TREML2: variants seen among roughly 807,000 people sequenced by gnomAD.
TREML2 encodes the protein trem-like transcript 2 protein.
Under a neutral mutation model 25.9 loss-of-function variants are expected in TREML2, and 24 were observed. The observed-to-expected ratio is 0.93, with a 90% CI of 0.67 to 1.30. The LOEUF (loss-of-function observed/expected upper bound fraction) is 1.30. Among genes scored for constraint, TREML2 ranks in the 50% most tolerant of loss-of-function variants. TREML2 has a pLI of 0.00. For synonymous variants in TREML2, 139 were observed against 155.2 expected (o/e 0.90, Z 0.77); for missense variants, 359 against 395.6 (o/e 0.91, Z 0.78).
Position 41,192,549 on chromosome 6 carries a change from C to T in TREML2, c.887-43G>A, listed in dbSNP as rs763376890. 33 of 1,576,046 alleles carry T rather than the reference C, an allele frequency of 2.1e-5. No individual in the cohort carries two copies. In the South Asian group the frequency reaches 3.4e-4, roughly 16 times the overall value. On this transcript the variant is annotated intron_variant, in intron 4 of 4. Coordinates refer to ENST00000483722, the MANE Select transcript of TREML2 (RefSeq NM_024807.4). Reference sequence around the variant, plus strand: ...AGCTGAGGAAGTGTCCTGCCCTGCCCACGGTGCCCCGATGCTCCTCCACCA... The same window carrying T: ...AGCTGAGGAAGTGTCCTGCCCTGCCTACGGTGCCCCGATGCTCCTCCACCA...
intron 2 of TREML2, among the ~76,000 whole-genome samples, chr6:41,196,417 C>T (rs563686651): frequency 2.3e-4 from 35 of 152,222 alleles, no homozygotes; most frequent in African/African-American, 7.2e-4. Context: ...CTGCCTTTTC[C>T]GGGGTCTTTA....
intron 2 of TREML2, among the ~76,000 whole-genome samples, chr6:41,195,546 G>C (rs1385517218): frequency 6.6e-6 from 1 of 152,158 alleles, no homozygotes; most frequent in Non-Finnish European, 1.5e-5. Flanking sequence ...ATTTCCTAAG[G>C]GCCAAATTGT....
At chr6:41,199,696 C>T (rs1340348477) in intron 1 of TREML2, among the ~76,000 whole-genome samples, 1 of 152,158 alleles carries the variant, frequency 6.6e-6, no homozygotes, top group Non-Finnish European at 1.5e-5. Flanking sequence ...AATTTCACCC[C>T]AGAGTCTTCC....
intron 3 of TREML2, among the ~76,000 whole-genome samples, chr6:41,193,709 C>T (rs1219137767): frequency 6.6e-6 from 1 of 151,606 alleles, no homozygotes; most frequent in Non-Finnish European, 1.5e-5. Context: ...TTGCCCTATC[C>T]TCACCCTCTC....
chr6:41,192,282 C>T lies in TREML2; in HGVS notation c.*145G>A. The T allele has an allele frequency of 1.5e-6, 1 of 688,310 alleles. No individual in the cohort carries two copies. Among genetic ancestry groups the T allele is most frequent in the Non-Finnish European group, 2.6e-6 (1 of 391,024 alleles). 42.6% of individuals were successfully genotyped at this position (688,310 alleles called of 1,614,324 possible). On this transcript the variant is annotated 3_prime_UTR_variant, in exon 5 of 5. Transcript: ENST00000483722. ...CTGTGGGGCTGCTTAGGATGGCAGCCTCTGGGTTTGGGAAGTCCTGGGTGA... is the reference window on the plus strand; with the variant it reads ...CTGTGGGGCTGCTTAGGATGGCAGCTTCTGGGTTTGGGAAGTCCTGGGTGA...
intron 3 of TREML2, 77 bp downstream of exon 3, chr6:41,194,348 C>T: frequency 7.1e-7 from 1 of 1,403,864 alleles, no homozygotes; most frequent in Non-Finnish European, 9.5e-7. Context: ...AGGGGAAGGT[C>T]AGATATAAGA....
At position 41,195,146 on chromosome 6, in the gene TREML2, G is replaced by A. The variant is rs193150081; in HGVS notation, c.377-313C>T. Among the ~76,000 whole-genome samples, 16 of 152,034 alleles carry A rather than the reference G, an allele frequency of 1.1e-4. No homozygotes were observed. The East Asian group carries it at 1.9e-3, about 18-fold the overall frequency. On this transcript the variant is annotated intron_variant, in intron 2 of 4. Coordinates refer to ENST00000483722, the MANE Select transcript of TREML2 (RefSeq NM_024807.4). ...TCTTTTCACTTTCCAGGCCCTCTTCGTTCCTATGGGCCAAAAAGATTTCCA... is the reference window on the plus strand; with the variant it reads ...TCTTTTCACTTTCCAGGCCCTCTTCATTCCTATGGGCCAAAAAGATTTCCA...
intron 3 of TREML2, among the ~76,000 whole-genome samples, chr6:41,193,901 A>G (rs1367413547): frequency 1.4e-5 from 1 of 73,132 alleles, no homozygotes; most frequent in Non-Finnish European, 2.5e-5. Context: ...CACAACCTTC[A>G]TTTACCCCCA....
chr6:41,198,368 CACAG>C lies in TREML2; in HGVS notation c.113_116del (p.Ser38CysfsTer34), dbSNP rs780726534. ...TTTTGTAGCCCTTATAGGAGCACTG[CACAG>C]ACAGAGTCTCCCCTTCAAGGAGCCT... On this transcript the variant is annotated frameshift_variant, in exon 2 of 5. Transcript: ENST00000483722. LOFTEE classifies it high-confidence loss of function. 5.0e-6 allele frequency: 8 copies of C among 1,614,106 alleles called. No homozygotes were observed. The Admixed American group carries it at 5.0e-5, about 10-fold the overall frequency.
At chr6:41,195,647 G>A (rs1045711165) in intron 2 of TREML2, among the ~76,000 whole-genome samples, 5 of 152,302 alleles carry the variant, frequency 3.3e-5, no homozygotes, top group East Asian at 1.9e-4. Context: ...AGAGGAAGAC[G>A]CTCACCTGGA....
intron 1 of TREML2, 39 bp from the exon 2 acceptor site, chr6:41,198,468 G>A (rs1582099115): frequency 6.4e-7 from 1 of 1,557,346 alleles, no homozygotes; most frequent in Non-Finnish European, 8.7e-7. Flanking sequence ...TCTGGCAAGA[G>A]GAGAGGAAGA....
At chr6:41,197,213 C>T (rs73733374) in intron 2 of TREML2, among the ~76,000 whole-genome samples, 3,847 of 152,316 alleles carry the variant, frequency 0.025, 162 homozygotes, top group African/African-American at 0.084. Context: ...CCTCTCTACC[C>T]GTGTTCATAC....
At chr6:41,198,037 C>T (rs1766201353) in intron 2 of TREML2, 72 bp downstream of exon 2, 1 of 1,391,890 alleles carries the variant, frequency 7.2e-7, no homozygotes, top group African/African-American at 1.5e-5. Flanking sequence ...TCCTTATTAT[C>T]TCTGATGTTA....
Position 41,198,236 on chromosome 6 carries a change from G to A in TREML2, c.249C>T (p.Ala83=). Residue 83 remains alanine, a synonymous_variant, in exon 2 of 5, where the codon GCC becomes GCT. Transcript: ENST00000483722. ...KGPRYLLQDD[A]QAKVVNITMV... Reference sequence around the variant, plus strand: ...TGGTGATGTTGACCACCTTGGCCTGGGCATCGTCCTGCAGCAAGTAGCGGG... The same window carrying A: ...TGGTGATGTTGACCACCTTGGCCTGAGCATCGTCCTGCAGCAAGTAGCGGG... 6.2e-7 allele frequency: 1 copy of A among 1,614,242 alleles called. No homozygotes were observed. Among genetic ancestry groups the A allele is most frequent in the Non-Finnish European group, 8.5e-7 (1 of 1,180,042 alleles).
chr6:41,192,669 G>T, intron 4 of TREML2, 132 bp downstream of exon 4: 1 of 1,133,488 alleles, frequency 8.8e-7, no homozygotes, highest in Non-Finnish European at 1.3e-6. Context: ...CTCCTCCCCA[G>T]GTGGAAGCGT....
In TREML2 at chr6:41,198,100, C is replaced by A. The variant is rs528922061; in HGVS notation, c.376+9G>T. 3.7e-4 allele frequency: 583 copies of A among 1,574,544 alleles called. No individual in the cohort carries two copies. The highest frequency in any genetic ancestry group is 7.2e-4 in the Admixed American group (42 of 57,962). Reference sequence around the variant, plus strand: ...TCCACCCGTCCCAGAGCCACTGCAGCCTGCTCACCTGGAGACACATCCAGC... The same window carrying A: ...TCCACCCGTCCCAGAGCCACTGCAGACTGCTCACCTGGAGACACATCCAGC... On this transcript the variant is annotated intron_variant, in intron 2 of 4. Coordinates refer to ENST00000483722, the MANE Select transcript of TREML2 (RefSeq NM_024807.4).
intron 2 of TREML2, among the ~76,000 whole-genome samples, chr6:41,197,323 C>G (rs1243876594): frequency 6.6e-6 from 1 of 152,160 alleles, no homozygotes; most frequent in East Asian, 1.9e-4. Flanking sequence ...ACCTAAATTC[C>G]AACTTATGGT....
At chr6:41,195,549 C>A (rs1766145609) in intron 2 of TREML2, among the ~76,000 whole-genome samples, 1 of 152,136 alleles carries the variant, frequency 6.6e-6, no homozygotes, top group Non-Finnish European at 1.5e-5. Context: ...TCCTAAGGGC[C>A]AAATTGTCAT....
rs2113901888 is a variant in TREML2, at chr6:41,192,221, C to T, written c.*206G>A. The T allele has an allele frequency of 1.7e-6, 1 of 584,332 alleles. No homozygotes were observed. The highest frequency in any genetic ancestry group is 3.1e-6 in the Non-Finnish European group (1 of 325,126). 36.2% of individuals were successfully genotyped at this position (584,332 alleles called of 1,614,324 possible). On this transcript the variant is annotated 3_prime_UTR_variant, in exon 5 of 5. Transcript: ENST00000483722. ...TCCCTGATGCCCTTTGCTCTGGGCCCCTCCCCAGGTTCCTGCCCCCAAGGA... is the reference window on the plus strand; with the variant it reads ...TCCCTGATGCCCTTTGCTCTGGGCCTCTCCCCAGGTTCCTGCCCCCAAGGA...
Sources: gnomAD v4.1 joint callset for allele counts (sites outside exome capture counted in the v4.1 genomes callset) on GRCh38, gnomAD v4.1.1 for gene constraint, MANE v1.5 for transcripts, NCBI Gene and HGNC (gene_info 2026-07-23, HGNC 2026-07-21) for gene names.